INSR: variants seen among roughly 807,000 people sequenced by gnomAD.
The protein encoded by INSR is insulin receptor.
A neutral mutation model predicts 142.6 loss-of-function variants in INSR; 67 were observed. The ratio of observed to expected loss-of-function variants is 0.47; its 90% CI spans 0.39 to 0.58. The LOEUF (loss-of-function observed/expected upper bound fraction) is 0.58. Among genes scored for constraint, INSR ranks in the 20% least tolerant of loss-of-function variants. The pLI is 0.00. For missense variants in INSR, 1,248 were observed against 1,833.2 expected (o/e 0.68, Z 5.83); for synonymous variants, 756 against 743.1 (o/e 1.02, Z -0.28).
intron 13 of INSR, among the ~76,000 whole-genome samples, chr19:7,133,980 T>A (rs1484201598): frequency 6.6e-6 from 1 of 152,148 alleles, no homozygotes; most frequent in African/African-American, 2.4e-5. Flanking sequence ...GACCCCTGGT[T>A]TAAGAGATTA....
chr19:7,160,649 G>C (rs552538470), intron 9 of INSR, among the ~76,000 whole-genome samples: 1 of 151,526 alleles, frequency 6.6e-6, no homozygotes, highest in African/African-American at 2.4e-5. Flanking sequence ...AAAAGAAAAA[G>C]AAAAAAGTGA....
intron 1 of INSR, among the ~76,000 whole-genome samples, chr19:7,291,216 C>T (rs1195044304): frequency 6.6e-6 from 1 of 152,168 alleles, no homozygotes; most frequent in African/African-American, 2.4e-5. Flanking sequence ...GGTACGGAGG[C>T]TCGGACTCAA....
At chr19:7,190,468 G>A (rs1302864888) in intron 2 of INSR, among the ~76,000 whole-genome samples, 1 of 149,478 alleles carries the variant, frequency 6.7e-6, no homozygotes, top group Non-Finnish European at 1.5e-5. Flanking sequence ...CGCCTCCCGG[G>A]TTCAAGCAAT....
At chr19:7,250,603 G>A (rs1976697963) in intron 2 of INSR, among the ~76,000 whole-genome samples, 1 of 141,960 alleles carries the variant, frequency 7.0e-6, no homozygotes, top group African/African-American at 2.6e-5. Context: ...GGAAGGAGAG[G>A]AGGGAGGGAG....
chr19:7,277,528 G>C (rs528837939), intron 1 of INSR, among the ~76,000 whole-genome samples: 9 of 152,316 alleles, frequency 5.9e-5, no homozygotes, highest in African/African-American at 1.9e-4. Flanking sequence ...GCCGGGTGCA[G>C]TGGTCATGCC....
intron 1 of INSR, among the ~76,000 whole-genome samples, chr19:7,281,811 G>T (rs1316977198): frequency 6.6e-6 from 1 of 152,124 alleles, no homozygotes; most frequent in Non-Finnish European, 1.5e-5. Flanking sequence ...AGTACCTATG[G>T]TTTCCACATT....
chr19:7,175,478 G>C (rs1381588224), intron 3 of INSR, among the ~76,000 whole-genome samples: 5 of 152,168 alleles, frequency 3.3e-5, no homozygotes, highest in African/African-American at 9.6e-5. Flanking sequence ...GATATTGAGC[G>C]GCATCCCTAG....
chr19:7,183,263 G>GGGGTGTGTGT (rs1974321162), intron 3 of INSR, among the ~76,000 whole-genome samples: 1 of 146,480 alleles, frequency 6.8e-6, no homozygotes, highest in South Asian at 2.2e-4. Context: ...GTTGTTTTGT[G>GGGGTGTGTGT]GTGTGTGTGT....
At position 7,166,014 on chromosome 19, in the gene INSR, A is replaced by T; in HGVS notation, c.1861+140T>A. 1 of 953,960 alleles carries T rather than the reference A, an allele frequency of 1.0e-6. No individual in the cohort carries two copies. Among genetic ancestry groups the T allele is most frequent in the Admixed American group, 2.2e-5 (1 of 45,724 alleles). 59.1% of individuals were successfully genotyped at this position (953,960 alleles called of 1,614,324 possible). ...ACTGCATTGCACTCTAGCCTGGGTGACAAAGTAAGACCCTGTCTAAAAAAA... is the reference window on the plus strand; with the variant it reads ...ACTGCATTGCACTCTAGCCTGGGTGTCAAAGTAAGACCCTGTCTAAAAAAA... On this transcript the variant is annotated intron_variant, in intron 8 of 21. Coordinates refer to ENST00000302850, the MANE Select transcript of INSR (RefSeq NM_000208.4). The surrounding 1 kb of genome is among the most constrained non-coding windows in gnomAD (Gnocchi z 4.1).
rs111825279 is a variant in INSR at position 7,202,987 on chromosome 19, G to GTTTT, written c.653-18351_653-18350insAAAA. ...TTTGGAATGTATTGGTTTGGGGTGG[G>GTTTT]GTTTTGTTGTTTTTTTTTTTTTTTT... On this transcript the variant is annotated intron_variant, in intron 2 of 21. Transcript: ENST00000302850. 2.0e-3 allele frequency among the ~76,000 whole-genome samples: 294 copies of GTTTT among 143,842 alleles called. 7 individuals are homozygous for GTTTT. In the East Asian group the frequency reaches 0.041, roughly 20 times the overall value. 94.4% of individuals were successfully genotyped at this position (143,842 alleles called of 152,430 possible).
chr19:7,178,719 A>AAAC (rs1555745639), intron 3 of INSR, among the ~76,000 whole-genome samples: 8,435 of 152,036 alleles, frequency 0.055, 354 homozygotes, highest in African/African-American at 0.12. Context: ...ACTCCGTCTC[A>AAAC]AAACAAACAA....
At chr19:7,136,792 G>GA (rs200915867) in intron 13 of INSR, among the ~76,000 whole-genome samples, 1,928 of 146,870 alleles carry the variant, frequency 0.013, 59 homozygotes, top group African/African-American at 0.047. Context: ...CTTTGATCAA[G>GA]AAAAAAAGTG....
At chr19:7,182,695 A>G (rs555936970) in intron 3 of INSR, among the ~76,000 whole-genome samples, 1 of 152,256 alleles carries the variant, frequency 6.6e-6, no homozygotes, top group African/African-American at 2.4e-5. Context: ...CATCTCCCGC[A>G]TCATCAGTGA....
At chr19:7,170,885 A>C in intron 5 of INSR, 134 bp from the exon 6 acceptor site, 1 of 780,828 alleles carries the variant, frequency 1.3e-6, no homozygotes, top group Non-Finnish European at 2.3e-6. Context: ...GCACATACTC[A>C]ACACATATTT....
At chr19:7,224,391 TC>T (rs1382036030) in intron 2 of INSR, among the ~76,000 whole-genome samples, 4 of 152,012 alleles carry the variant, frequency 2.6e-5, no homozygotes, top group Non-Finnish European at 5.9e-5. Context: ...GCCAAGAATT[TC>T]CCCAGAGCAC....
intron 19 of INSR, 63 bp from the exon 20 acceptor site, chr19:7,120,812 T>C (rs1040810001): frequency 3.1e-6 from 5 of 1,596,318 alleles, no homozygotes; most frequent in Admixed American, 1.7e-5. Flanking sequence ...TCTGCCACCT[T>C]GACTGCCCCA....
At chr19:7,266,403 GAGA>G (rs773641380) in intron 2 of INSR, among the ~76,000 whole-genome samples, 40 of 62,606 alleles carry the variant, frequency 6.4e-4, no homozygotes, top group Admixed American at 1.3e-3. Context: ...TTTTTTTTTT[GAGA>G]AGGAGTTTCC....
intron 1 of INSR, among the ~76,000 whole-genome samples, chr19:7,292,478 G>GGGC (rs1555693272): frequency 1.3e-5 from 2 of 149,092 alleles, no homozygotes; most frequent in East Asian, 4.2e-4. Flanking sequence ...GCTGGGGGGG[G>GGGC]GTGGGCCCGG....
At chr19:7,249,792 A>G (rs1036841838) in intron 2 of INSR, among the ~76,000 whole-genome samples, 5 of 152,154 alleles carry the variant, frequency 3.3e-5, no homozygotes, top group Admixed American at 6.6e-5. Context: ...GGAGATCGAG[A>G]CCATCCTGGC....
Sources: gnomAD v4.1 joint callset for allele counts (sites outside exome capture counted in the v4.1 genomes callset) on GRCh38, gnomAD v4.1.1 for gene constraint, Gnocchi (gnomAD v3.1) non-coding constraint, MANE v1.5 for transcripts, NCBI Gene and HGNC (gene_info 2026-07-23, HGNC 2026-07-21) for gene names.